ASH1L: variants seen among roughly 807,000 people sequenced by gnomAD.
ASH1L encodes ASH1 like histone lysine methyltransferase.
A neutral mutation model predicts 269.0 loss-of-function variants in ASH1L; 23 were observed. That is an observed-to-expected ratio of 0.09 (90% confidence interval 0.06 to 0.12). The LOEUF is 0.12. Ranked by LOEUF, ASH1L falls within the 10% of genes least tolerant of loss-of-function variation. The pLI is 1.00. For synonymous variants in ASH1L, 1,187 were observed against 1,253.5 expected (o/e 0.95, Z 1.12); for missense variants, 2,912 against 3,567.8 (o/e 0.82, Z 4.68).
intron 15 of ASH1L, among the ~76,000 whole-genome samples, chr1:155,355,114 G>A (rs1654261419): frequency 1.3e-5 from 2 of 152,154 alleles, no homozygotes; most frequent in Non-Finnish European, 2.9e-5. Context: ...GGAGTACAGT[G>A]GCATGATCTC....
Position 155,347,577 on chromosome 1 carries a change from A to G in ASH1L, c.7803+79T>C, listed in dbSNP as rs1018012194. The G allele has an allele frequency of 2.5e-5, 40 of 1,574,696 alleles. No individual in the cohort carries two copies. The African/African-American group carries it at 5.0e-4, about 20-fold the overall frequency. On this transcript the variant is annotated intron_variant, in intron 20 of 27. Transcript: ENST00000392403. ...TAAACAGTCTTTCAAGCCAATCCAA[A>G]AGAGGCATGGGCTTCTTCTTTGAAT...
chr1:155,451,495 C>T (rs1663462831), intron 4 of ASH1L, among the ~76,000 whole-genome samples: 1 of 151,898 alleles, frequency 6.6e-6, no homozygotes, highest in African/African-American at 2.4e-5. Flanking sequence ...CGCGGTGGCT[C>T]ACGCCCGTAA....
At chr1:155,452,533 G>T (rs1663561092) in intron 4 of ASH1L, among the ~76,000 whole-genome samples, 1 of 150,840 alleles carries the variant, frequency 6.6e-6, no homozygotes, top group African/African-American at 2.4e-5. Flanking sequence ...AGATACTTTA[G>T]CCCTGCTAAG....
At chr1:155,356,328 AT>A (rs1654384367) in intron 15 of ASH1L, among the ~76,000 whole-genome samples, 1 of 152,132 alleles carries the variant, frequency 6.6e-6, no homozygotes, top group Admixed American at 6.5e-5. Context: ...TTATTTTTAA[AT>A]TACTTCAAAA....
intron 2 of ASH1L, among the ~76,000 whole-genome samples, chr1:155,482,678 A>G (rs1666041725): frequency 6.6e-6 from 1 of 152,214 alleles, no homozygotes; most frequent in South Asian, 2.1e-4. Flanking sequence ...CGATAAAACT[A>G]TACATTAGAG....
At chr1:155,551,451 G>A (rs1272910146) in intron 1 of ASH1L, among the ~76,000 whole-genome samples, 4 of 151,534 alleles carry the variant, frequency 2.6e-5, no homozygotes, top group Admixed American at 2.6e-4. Flanking sequence ...ACGAGGTCAG[G>A]AGATCGAGAC....
intron 2 of ASH1L, among the ~76,000 whole-genome samples, chr1:155,517,021 C>T (rs1193656307): frequency 6.6e-6 from 1 of 152,148 alleles, no homozygotes; most frequent in Non-Finnish European, 1.5e-5. Context: ...GATGACAACA[C>T]TACCTAAAGT....
At chr1:155,433,394 G>T (rs747116312) in intron 5 of ASH1L, 5 of 1,605,336 alleles carry the variant, frequency 3.1e-6, no homozygotes, top group Non-Finnish European at 4.2e-6. Flanking sequence ...GTTCTGTGGG[G>T]GGATGGCGTA....
intron 1 of ASH1L, among the ~76,000 whole-genome samples, chr1:155,548,518 G>A (rs1028171083): frequency 2.0e-5 from 3 of 152,116 alleles, no homozygotes; most frequent in South Asian, 2.1e-4. Flanking sequence ...GCCAGACTCC[G>A]TATCAAACAA....
chr1:155,473,048 C>CT (rs1665228327), intron 3 of ASH1L, among the ~76,000 whole-genome samples: 2 of 152,142 alleles, frequency 1.3e-5, no homozygotes, highest in Non-Finnish European at 2.9e-5. Flanking sequence ...TTAAATAGCT[C>CT]TTGTATCATT....
chr1:155,380,799 T>C (rs1656870160), intron 7 of ASH1L, among the ~76,000 whole-genome samples: 1 of 149,534 alleles, frequency 6.7e-6, no homozygotes, highest in Non-Finnish European at 1.5e-5. Context: ...CCCAGCTAAT[T>C]TGTATTTTTT....
Position 155,481,482 on chromosome 1 carries a change from T to C in ASH1L, c.1388A>G (p.Lys463Arg), listed in dbSNP as rs1218517024. The C allele has an allele frequency of 6.2e-7, 1 of 1,614,154 alleles. No homozygotes were observed. The highest frequency in any genetic ancestry group is 1.1e-5 in the South Asian group (1 of 91,078). ...CCGTACAACATTCTTTTCAAAAGTT[T>C]TGCTGGTGGCACTATCTTTCAGGGA... ...SESLKDSATS[K>R]TFEKNVVRQN... The change falls in exon 3 of 28, where the codon AAA becomes AGA. Residue 463 changes from lysine to arginine, a missense_variant. Transcript: ENST00000392403.
chr1:155,454,334 A>G (rs1042977831), intron 4 of ASH1L, among the ~76,000 whole-genome samples: 3 of 152,230 alleles, frequency 2.0e-5, no homozygotes, highest in African/African-American at 7.2e-5. Context: ...TTCCCATTAC[A>G]TCAAAATGCC....
intron 2 of ASH1L, among the ~76,000 whole-genome samples, chr1:155,520,733 G>A (rs1232139307): frequency 1.3e-5 from 2 of 151,924 alleles, no homozygotes; most frequent in African/African-American, 4.8e-5. Context: ...GTGGTGGTGG[G>A]TGCCTGTAAT....
chr1:155,377,995 C>T (rs1036492422), intron 10 of ASH1L, among the ~76,000 whole-genome samples: 2 of 151,648 alleles, frequency 1.3e-5, no homozygotes, highest in African/African-American at 2.4e-5. Flanking sequence ...TGCACTCCAG[C>T]CTGGGCGACA....
rs763867508 is a variant in ASH1L, at chr1:155,438,885, C to T, written c.5270G>A (p.Arg1757Gln). The change falls in exon 5 of 28, where the codon CGA (arginine) becomes CAA (glutamine). Residue 1757 changes from arginine (R) to glutamine (Q), a missense_variant. This residue lies in a region of ASH1L where 789 missense variants were observed against 897.6 expected (regional missense o/e 0.88). Transcript: ENST00000392403. ...AAGGCTGTCTGGTTTTCCCAGGGTT[C>T]GGTCCTTGCTGTGGCTACGGCCTGG... is the stretch of plus-strand genomic sequence containing the variant. ...SSPGRSHSKDRTLGKPDSLLV... is the reference protein window; with the variant it reads ...SSPGRSHSKDQTLGKPDSLLV... 12 of 1,614,064 alleles carry T rather than the reference C, an allele frequency of 7.4e-6. No individual in the cohort carries two copies. The highest frequency in any genetic ancestry group is 2.2e-5 in the East Asian group (1 of 44,902).
intron 4 of ASH1L, among the ~76,000 whole-genome samples, chr1:155,445,309 G>A (rs555406675): frequency 1.3e-5 from 2 of 151,954 alleles, no homozygotes; most frequent in African/African-American, 2.4e-5. Flanking sequence ...TCAGCCTCCC[G>A]AGTAGCTGGG....
chr1:155,413,469 C>T (rs1206729655), intron 6 of ASH1L, among the ~76,000 whole-genome samples: 3 of 151,904 alleles, frequency 2.0e-5, no homozygotes, highest in African/African-American at 4.8e-5. Context: ...TAGCTGGGCA[C>T]GGTGGTGGGT....
Position 155,521,498 on chromosome 1 carries a change from T to C in ASH1L, c.22A>G (p.Met8Val), listed in dbSNP as rs777411239. MDPRNTA[M>V]LGLGSDSEGF... ...TCGGAATCAGAACCCAATCCTAACATAGCAGTATTTCTAGGGTCCATCACA... is the reference window on the plus strand; with the variant it reads ...TCGGAATCAGAACCCAATCCTAACACAGCAGTATTTCTAGGGTCCATCACA... Residue 8 changes from methionine (M) to valine (V), a missense_variant, in exon 2 of 28, where the codon ATG (methionine) becomes GTG (valine). By Grantham distance (21) the Met-to-Val change is conservative (BLOSUM62 1). This residue lies in a region of ASH1L where 115 missense variants were observed against 101.5 expected (regional missense o/e 1.13). Transcript: ENST00000392403. 3 of 1,613,002 alleles carry C rather than the reference T, an allele frequency of 1.9e-6. No individual in the cohort carries two copies. Among genetic ancestry groups the C allele is most frequent in the Admixed American group, 1.7e-5 (1 of 59,840 alleles).
Sources: gnomAD v4.1 joint callset for allele counts (sites outside exome capture counted in the v4.1 genomes callset) on GRCh38, gnomAD v4.1.1 for gene constraint, gnomAD v4.1.1 regional missense constraint, MANE v1.5 for transcripts, NCBI Gene and HGNC (gene_info 2026-07-23, HGNC 2026-07-21) for gene names.